The following RANBP2 variants were observed in gnomAD, a reference collection of about 807,000 sequenced individuals.
The protein encoded by RANBP2 is E3 SUMO-protein ligase RanBP2.
RANBP2 carries 57 observed loss-of-function variants against 303.6 expected under a neutral mutation model. That is an observed-to-expected ratio of 0.19 (90% CI 0.15 to 0.23). The LOEUF (loss-of-function observed/expected upper bound fraction) is 0.23. RANBP2 is among the 10% of genes least tolerant of loss of function. The probability of loss-of-function intolerance (pLI) is 1.00; values close to 1 mark genes in which losing one functional copy is unlikely to be tolerated. For missense variants in RANBP2, 3,138 were observed against 3,780.8 expected (o/e 0.83, Z 4.46); for synonymous variants, 1,167 against 1,301.5 (o/e 0.90, Z 2.23).
chr2:108,886,714 C>T, the RANBP2 span, among the ~76,000 whole-genome samples: 3 of 137,684 alleles, frequency 2.2e-5, no homozygotes, highest in African/African-American at 8.0e-5. Flanking sequence ...GCCCGGCCCC[C>T]TTTGCCCACT....
the RANBP2 span, among the ~76,000 whole-genome samples, chr2:109,178,205 T>C: frequency 6.6e-6 from 1 of 152,256 alleles, no homozygotes. Context: ...TATTTTCATA[T>C]GTATTTCATA....
chr2:109,729,072 C>T, the RANBP2 span, among the ~76,000 whole-genome samples: 1 of 152,136 alleles, frequency 6.6e-6, no homozygotes, highest in African/African-American at 2.4e-5. Flanking sequence ...ACAGCTCTGC[C>T]ATGTGAAGAT....
chr2:109,419,540 A>G, the RANBP2 span: 2 of 1,592,708 alleles, frequency 1.3e-6, no homozygotes, highest in South Asian at 1.1e-5. Flanking sequence ...TGTTTCCAGG[A>G]TGTCTCCTCC....
the RANBP2 span, among the ~76,000 whole-genome samples, chr2:109,581,935 G>A: frequency 3.9e-5 from 6 of 152,116 alleles, no homozygotes; most frequent in Admixed American, 2.6e-4. Context: ...TAAAGACTCC[G>A]CCAAATGGCT....
chr2:109,248,690 A>G, the RANBP2 span, among the ~76,000 whole-genome samples: 1 of 151,888 alleles, frequency 6.6e-6, no homozygotes, highest in African/African-American at 2.4e-5. Context: ...GAAGTACTGC[A>G]TTTCTTTCCT....
chr2:108,853,791 A>G, the RANBP2 span, among the ~76,000 whole-genome samples: 2 of 142,794 alleles, frequency 1.4e-5, no homozygotes, highest in Non-Finnish European at 3.0e-5. Context: ...CCCTCAAAGC[A>G]GTGGAGTTAC....
At chr2:109,031,875 C>G in the RANBP2 span, among the ~76,000 whole-genome samples, 8 of 151,994 alleles carry the variant, frequency 5.3e-5, no homozygotes, top group African/African-American at 7.3e-5. Context: ...TTTCTTGTCC[C>G]GTGAGCGCTA....
chr2:108,893,543 T>TG, the RANBP2 span, among the ~76,000 whole-genome samples: 1 of 151,634 alleles, frequency 6.6e-6, no homozygotes, highest in South Asian at 2.1e-4. Context: ...CTTGATCAAA[T>TG]GGGGGAAATG....
chr2:109,488,824 G>T, the RANBP2 span, among the ~76,000 whole-genome samples: 2 of 152,242 alleles, frequency 1.3e-5, no homozygotes, highest in Non-Finnish European at 2.9e-5. Flanking sequence ...GCCTGGCACG[G>T]TGCACAAGAC....
At chr2:109,574,882 T>C in the RANBP2 span, 10 of 596,208 alleles carry the variant, frequency 1.7e-5, no homozygotes, top group Non-Finnish European at 2.5e-5. Flanking sequence ...AGTTAATATC[T>C]ATGCTGAACA....
the RANBP2 span, among the ~76,000 whole-genome samples, chr2:109,638,943 A>C: frequency 6.6e-6 from 1 of 152,178 alleles, no homozygotes; most frequent in Non-Finnish European, 1.5e-5. Flanking sequence ...CCTCCAGTAG[A>C]GGTCTGGCCT....
At chr2:108,756,346 T>G (rs1329674807) in intron 17 of RANBP2, among the ~76,000 whole-genome samples, 4 of 152,252 alleles carry the variant, frequency 2.6e-5, no homozygotes, top group East Asian at 1.9e-4. Flanking sequence ...TATATATATC[T>G]TATTTTAACA....
chr2:109,120,581 T>G, the RANBP2 span, among the ~76,000 whole-genome samples: 1 of 149,446 alleles, frequency 6.7e-6, no homozygotes, highest in Non-Finnish European at 1.5e-5. Flanking sequence ...TCCTTCCAGT[T>G]CACGTCCATC....
At chr2:109,462,510 G>A in the RANBP2 span, among the ~76,000 whole-genome samples, 3 of 152,256 alleles carry the variant, frequency 2.0e-5, no homozygotes, top group South Asian at 6.2e-4. Flanking sequence ...CCAAACAGGA[G>A]AGTTGAATAG....
At chr2:108,781,043 C>T (rs1678221296) in intron 25 of RANBP2, among the ~76,000 whole-genome samples, 1 of 151,934 alleles carries the variant, frequency 6.6e-6, no homozygotes, top group Admixed American at 6.6e-5. Context: ...TGGGGTTTCA[C>T]CATGTTGGCC....
At chr2:108,932,001 A>C in the RANBP2 span, among the ~76,000 whole-genome samples, 1 of 152,020 alleles carries the variant, frequency 6.6e-6, no homozygotes, top group Non-Finnish European at 1.5e-5. Context: ...GGGCCATGGA[A>C]CCCAAACTCC....
chr2:108,950,726 C>T, the RANBP2 span, among the ~76,000 whole-genome samples: 62 of 152,306 alleles, frequency 4.1e-4, no homozygotes, highest in Non-Finnish European at 7.4e-4. Context: ...TCCAGTTCTC[C>T]GGGAATCAGA....
chr2:108,910,402 C>A, the RANBP2 span: 1 of 1,428,702 alleles, frequency 7.0e-7, no homozygotes, highest in South Asian at 1.2e-5. Context: ...TGGTTCCCCT[C>A]CCTGCTCAGG....
At chr2:109,064,188 G>C in the RANBP2 span, among the ~76,000 whole-genome samples, 44 of 152,154 alleles carry the variant, frequency 2.9e-4, no homozygotes, top group Non-Finnish European at 4.3e-4. Context: ...GTAAATGGCA[G>C]GCCGGGCGGG....
Sources: allele counts gnomAD v4.1 joint callset (sites outside exome capture counted in the v4.1 genomes callset), GRCh38; gene constraint gnomAD v4.1.1; transcripts MANE v1.5; gene names NCBI Gene and HGNC (gene_info 2026-07-23, HGNC 2026-07-21).